Variants in ADGRV1 observed in about 807,000 individuals in gnomAD.
ADGRV1 encodes the protein adhesion G protein-coupled receptor V1, also known as G-protein coupled receptor 98.
In ADGRV1, 359 loss-of-function variants were observed where a neutral mutation model predicts 596.2. The observed-to-expected ratio is 0.60, with a 90% CI of 0.55 to 0.66. The LOEUF (loss-of-function observed/expected upper bound fraction) is 0.66. ADGRV1 is among the 30% of genes least tolerant of loss of function. The pLI, the probability that ADGRV1 is intolerant of heterozygous loss-of-function variation, is 0.00. For synonymous variants in ADGRV1, 2,681 were observed against 2,679.2 expected, an observed-to-expected ratio of 1.00 and a Z score of -0.02; for missense variants, 7,274 against 7,575.6, an observed-to-expected ratio of 0.96 and a Z score of 1.48.
chr5:90,752,696 T>C (rs959199747), intron 53 of ADGRV1, among the ~76,000 whole-genome samples: 2 of 152,216 alleles, frequency 1.3e-5, no homozygotes, highest in African/African-American at 4.8e-5. Flanking sequence ...ATCCCATTAC[T>C]GGGTATATAC....
At chr5:90,594,381 C>T (rs1016427567) in intron 1 of ADGRV1, among the ~76,000 whole-genome samples, 3 of 152,000 alleles carry the variant, frequency 2.0e-5, no homozygotes, top group Non-Finnish European at 4.4e-5. Context: ...ATGTTTGCTG[C>T]TTCTTCTGCC....
chr5:90,944,517 C>T (rs1385408383), intron 83 of ADGRV1, among the ~76,000 whole-genome samples: 1 of 152,044 alleles, frequency 6.6e-6, no homozygotes, highest in African/African-American at 2.4e-5. Flanking sequence ...GTATAGTAAA[C>T]ACTCATTCTG....
intron 59 of ADGRV1, among the ~76,000 whole-genome samples, chr5:90,769,288 T>C (rs886073835): frequency 2.6e-5 from 4 of 152,158 alleles, no homozygotes; most frequent in Non-Finnish European, 4.4e-5. Flanking sequence ...CTGCCCACTT[T>C]GACTCTTTGC....
Position 90,811,262 on chromosome 5 carries a change from C to T in ADGRV1, c.16002C>T (p.Asn5334=), listed in dbSNP as rs1762416017. The part of the protein sequence containing the change: ...GQEFFYVFLT[N]PQGGAQIVEE... The stretch of plus-strand genomic sequence containing the variant: ...AATTCTTCTACGTGTTTCTCACAAA[C>T]CCTCAAGGGGGAGCACAGATTGTGG... The change falls in exon 74 of 90, where the codon AAC becomes AAT. Residue 5334 remains asparagine, a synonymous_variant. Coordinates refer to ENST00000405460, the MANE Select transcript of ADGRV1 (RefSeq NM_032119.4). 2 of 1,612,642 alleles carry T rather than the reference C, an allele frequency of 1.2e-6. No individual in the cohort carries two copies. The highest frequency in any genetic ancestry group is 1.7e-6 in the Non-Finnish European group (2 of 1,179,236).
intron 85 of ADGRV1, among the ~76,000 whole-genome samples, chr5:91,044,732 G>A (rs781322123): frequency 1.3e-5 from 2 of 152,048 alleles, no homozygotes; most frequent in East Asian, 3.8e-4. Context: ...TTAGGTACAC[G>A]CTGTCAGTAC....
intron 83 of ADGRV1, among the ~76,000 whole-genome samples, chr5:90,959,897 T>C (rs919972776): frequency 6.6e-6 from 1 of 152,080 alleles, no homozygotes; most frequent in Non-Finnish European, 1.5e-5. Context: ...CCCAGCACTT[T>C]GGGAGGCTAA....
intron 83 of ADGRV1, among the ~76,000 whole-genome samples, chr5:90,881,196 AG>A (rs1243031233): frequency 6.6e-6 from 1 of 152,220 alleles, no homozygotes; most frequent in East Asian, 1.9e-4. Flanking sequence ...TACATGGCCA[AG>A]AAACTGCTGG....
At chr5:90,576,168 G>A (rs537172174) in intron 1 of ADGRV1, among the ~76,000 whole-genome samples, 1 of 152,152 alleles carries the variant, frequency 6.6e-6, no homozygotes, top group South Asian at 2.1e-4. Context: ...CAATGTGCAG[G>A]TTTGTTACAT....
intron 50 of ADGRV1, among the ~76,000 whole-genome samples, chr5:90,734,252 A>C (rs1036558421): frequency 6.6e-6 from 1 of 152,186 alleles, no homozygotes; most frequent in Non-Finnish European, 1.5e-5. Flanking sequence ...TCCCTTTGAC[A>C]TACTGATTTC....
intron 84 of ADGRV1, among the ~76,000 whole-genome samples, chr5:90,984,777 A>T (rs1416893473): frequency 1.3e-5 from 2 of 152,162 alleles, no homozygotes; most frequent in Admixed American, 6.6e-5. Flanking sequence ...TGGACCACAA[A>T]ATGAACACCA....
chr5:90,848,948 A>G, intron 79 of ADGRV1, 127 bp downstream of exon 79: 1 of 612,642 alleles, frequency 1.6e-6, no homozygotes, highest in Non-Finnish European at 2.6e-6. Context: ...GCATTGTACC[A>G]CTTGGAAAGT....
Position 90,720,193 on chromosome 5 carries a change from G to T in ADGRV1, c.9593G>T (p.Gly3198Val), listed in dbSNP as rs775902791. ...ITVLQNQAPLGLFSISAVENR... is the reference protein window; with the variant it reads ...ITVLQNQAPLVLFSISAVENR... ...GTTTTGCAAAACCAGGCCCCTTTGG[G>T]GCTATTCAGTATCTCTGCAGTTGAA... Residue 3198 changes from glycine (G) to valine (V), a missense_variant, in exon 44 of 90, where the codon GGG becomes GTG. This residue lies in a region of ADGRV1 where 3,643 missense variants were observed against 3,809.2 expected (regional missense o/e 0.96). Coordinates refer to ENST00000405460, the MANE Select transcript of ADGRV1 (RefSeq NM_032119.4). The T allele has an allele frequency of 3.8e-6, 6 of 1,597,246 alleles. No individual in the cohort carries two copies. Among genetic ancestry groups the T allele is most frequent in the Middle Eastern group, 3.3e-4 (2 of 5,988 alleles).
At chr5:90,930,270 G>T (rs1023697199) in intron 83 of ADGRV1, among the ~76,000 whole-genome samples, 3 of 152,064 alleles carry the variant, frequency 2.0e-5, no homozygotes, top group African/African-American at 7.2e-5. Flanking sequence ...TTCAGTCCTG[G>T]TCTAACAAAA....
At chr5:91,096,719 A>G (rs1430876221) in intron 86 of ADGRV1, among the ~76,000 whole-genome samples, 1 of 152,174 alleles carries the variant, frequency 6.6e-6, no homozygotes, top group Non-Finnish European at 1.5e-5. Flanking sequence ...TAAAATATAC[A>G]TAACAAAATT....
At chr5:90,759,322 CTG>C in intron 57 of ADGRV1, 85 bp from the exon 58 acceptor site, 1 of 999,010 alleles carries the variant, frequency 1.0e-6, no homozygotes, top group South Asian at 1.8e-5. Flanking sequence ...TCAGCAAAAA[CTG>C]TGATTACATT....
At chr5:90,735,616 T>C (rs903587984) in intron 50 of ADGRV1, among the ~76,000 whole-genome samples, 2 of 152,228 alleles carry the variant, frequency 1.3e-5, no homozygotes, top group Non-Finnish European at 2.9e-5. Flanking sequence ...ATGGACATTT[T>C]AACAATATTC....
chr5:90,778,360 T>C, intron 62 of ADGRV1, 67 bp from the exon 63 acceptor site: 1 of 1,330,070 alleles, frequency 7.5e-7, no homozygotes, highest in Non-Finnish European at 1.1e-6. Context: ...TGTTATTATT[T>C]AGAGGTTAGG....
Position 90,745,160 on chromosome 5 carries a change from C to T in ADGRV1, c.10664C>T (p.Thr3555Ile). Residue 3555 changes from threonine (T) to isoleucine (I), a missense_variant, in exon 51 of 90, where the codon ACA becomes ATA. Physicochemically the swap from Thr to Ile is moderately conservative, Grantham distance 89. This residue lies in a region of ADGRV1 where 3,643 missense variants were observed against 3,809.2 expected (regional missense o/e 0.96). Transcript: ENST00000405460. ...TCTGCTTATGATGTGGCTTCTGTTA[C>T]AGTAAAGTCCCTTAATTCAAGCAAG... ...VPSAYDVASV[T>I]VKSLNSSKNL... The T allele has an allele frequency of 6.2e-7, 1 of 1,613,308 alleles. No homozygotes were observed. The highest frequency in any genetic ancestry group is 8.5e-7 in the Non-Finnish European group (1 of 1,179,480).
intron 84 of ADGRV1, among the ~76,000 whole-genome samples, chr5:90,977,625 A>G (rs181910231): frequency 1.6e-3 from 246 of 152,328 alleles, no homozygotes; most frequent in African/African-American, 5.6e-3. Context: ...ATGGCCTATG[A>G]CAATCAAAAC....
Sources: allele counts gnomAD v4.1 joint callset (sites outside exome capture counted in the v4.1 genomes callset), GRCh38; gene constraint gnomAD v4.1.1; regional missense constraint gnomAD v4.1.1; transcripts MANE v1.5; gene names NCBI Gene and HGNC (gene_info 2026-07-23, HGNC 2026-07-21).